The following CSMD2 variants were observed in gnomAD, a reference collection of about 807,000 sequenced individuals.
CSMD2 encodes the protein CUB and sushi domain-containing protein 2.
In CSMD2, 130 loss-of-function variants were observed where a neutral mutation model predicts 398.5. That is an observed-to-expected ratio of 0.33 (90% CI 0.28 to 0.38). The LOEUF (loss-of-function observed/expected upper bound fraction) is 0.38. Ranked by LOEUF, CSMD2 falls within the 10% of genes least tolerant of loss-of-function variation. The pLI, the probability that CSMD2 is intolerant of heterozygous loss-of-function variation, is 1.00. For synonymous variants in CSMD2, 1,828 were observed against 1,908.5 expected, an observed-to-expected ratio of 0.96 and a Z score of 1.10; for missense variants, 3,829 against 4,764.9, an observed-to-expected ratio of 0.80 and a Z score of 5.78.
chr1:33,912,131 G>A (rs896165409), intron 5 of CSMD2, among the ~76,000 whole-genome samples: 2 of 152,196 alleles, frequency 1.3e-5, no homozygotes, highest in African/African-American at 2.4e-5. Flanking sequence ...TGAATGTTTG[G>A]TGGAGTTTAT....
At chr1:33,698,643 T>G in intron 24 of CSMD2, 110 bp downstream of exon 24, 1 of 995,782 alleles carries the variant, frequency 1.0e-6, no homozygotes, top group South Asian at 1.8e-5. Flanking sequence ...TCAGTCCAAG[T>G]TGATGGCCCC....
chr1:33,570,623 C>T (rs781114811), intron 51 of CSMD2, among the ~76,000 whole-genome samples: 3 of 152,118 alleles, frequency 2.0e-5, no homozygotes, highest in East Asian at 3.9e-4. Flanking sequence ...GTGCATGCTG[C>T]GATGAGCTAC....
chr1:33,997,803 C>A (rs867521340), intron 3 of CSMD2, among the ~76,000 whole-genome samples: 2 of 152,126 alleles, frequency 1.3e-5, no homozygotes, highest in African/African-American at 4.8e-5. Flanking sequence ...GATCTGTCTG[C>A]ATATTTACTG....
chr1:33,815,698 G>A (rs1657381435), intron 9 of CSMD2, among the ~76,000 whole-genome samples: 1 of 152,166 alleles, frequency 6.6e-6, no homozygotes, highest in Non-Finnish European at 1.5e-5. Context: ...TATGGTTATT[G>A]CCACTTTACT....
At chr1:33,663,821 A>G (rs1644222508) in intron 25 of CSMD2, among the ~76,000 whole-genome samples, 2 of 151,572 alleles carry the variant, frequency 1.3e-5, no homozygotes, top group African/African-American at 4.9e-5. Context: ...CTCTCTGTTA[A>G]TTAATTTTTT....
At chr1:33,615,047 A>C (rs1641295804) in intron 39 of CSMD2, among the ~76,000 whole-genome samples, 1 of 152,230 alleles carries the variant, frequency 6.6e-6, no homozygotes, top group African/African-American at 2.4e-5. Flanking sequence ...ACTGGCATGC[A>C]TCAAGTCCCC....
intron 3 of CSMD2, among the ~76,000 whole-genome samples, chr1:33,956,264 CA>C (rs1645166030): frequency 6.6e-6 from 1 of 151,690 alleles, no homozygotes; most frequent in African/African-American, 2.4e-5. Context: ...TATCCATCCA[CA>C]AAACTGTTTT....
chr1:33,557,651 C>T (rs60901295), intron 55 of CSMD2, 83 bp downstream of exon 55: 32 of 1,169,436 alleles, frequency 2.7e-5, no homozygotes, highest in Admixed American at 4.2e-5. Flanking sequence ...CACACACACA[C>T]ACACACACAT....
intron 5 of CSMD2, among the ~76,000 whole-genome samples, chr1:33,867,967 A>C (rs1640159256): frequency 6.6e-6 from 1 of 152,210 alleles, no homozygotes; most frequent in African/African-American, 2.4e-5. Context: ...AAGAGTTTGC[A>C]GTTCCCCTGC....
chr1:33,538,659 G>A (rs990971539), intron 60 of CSMD2, among the ~76,000 whole-genome samples: 7 of 152,192 alleles, frequency 4.6e-5, no homozygotes, highest in Non-Finnish European at 1.0e-4. Context: ...GGAGGCAACT[G>A]AAAGAACCAG....
chr1:33,646,352 A>G (rs1643425277), intron 29 of CSMD2, among the ~76,000 whole-genome samples: 3 of 152,218 alleles, frequency 2.0e-5, no homozygotes, highest in Admixed American at 6.5e-5. Flanking sequence ...TGAGGTTGAA[A>G]TAGAGTTAGG....
Position 33,552,757 on chromosome 1 carries a change from T to C in CSMD2, c.8744-2407A>G, listed in dbSNP as rs112710876. The stretch of plus-strand genomic sequence containing the variant: ...AATCCACAGAGACAGAAAAGTACAT[T>C]AGAGGTTGCCAGAAGCTGGGGTGGG... On this transcript the variant is annotated intron_variant, in intron 55 of 70. Coordinates refer to ENST00000373381, the MANE Select transcript of CSMD2 (RefSeq NM_001281956.2). Among the ~76,000 whole-genome samples, 91 of 152,054 alleles carry C rather than the reference T, an allele frequency of 6.0e-4. 1 individual carries two copies. The highest frequency in any genetic ancestry group is 2.0e-3 in the African/African-American group (85 of 41,484).
At chr1:33,578,894 G>T (rs542381457) in intron 48 of CSMD2, among the ~76,000 whole-genome samples, 1 of 152,270 alleles carries the variant, frequency 6.6e-6, no homozygotes, top group East Asian at 1.9e-4. Context: ...AGCCGAATTT[G>T]TTTCCCTACT....
At chr1:33,894,572 G>A (rs1339730172) in intron 5 of CSMD2, among the ~76,000 whole-genome samples, 1 of 152,064 alleles carries the variant, frequency 6.6e-6, no homozygotes, top group Non-Finnish European at 1.5e-5. Flanking sequence ...TGTCCCTGTG[G>A]GATTATGGCC....
At chr1:33,568,844 G>A (rs1038395511) in intron 52 of CSMD2, among the ~76,000 whole-genome samples, 7 of 152,056 alleles carry the variant, frequency 4.6e-5, no homozygotes, top group African/African-American at 1.7e-4. Context: ...TAGACTCCAG[G>A]GGTCCAAGAA....
intron 42 of CSMD2, among the ~76,000 whole-genome samples, chr1:33,604,535 C>T (rs891387545): frequency 1.3e-5 from 2 of 152,106 alleles, no homozygotes; most frequent in Admixed American, 6.6e-5. Flanking sequence ...GAGTTGGAGC[C>T]TGGGGTGATC....
At position 33,572,620 on chromosome 1, in the gene CSMD2, T is replaced by C. The variant is rs1659699500; in HGVS notation, c.7648A>G (p.Lys2550Glu). The C allele has an allele frequency of 6.2e-7, 1 of 1,614,042 alleles. No homozygotes were observed. Among genetic ancestry groups the C allele is most frequent in the Non-Finnish European group, 8.5e-7 (1 of 1,179,954 alleles). ...CCTTCACTGCAGCTGTACATGGCCT[T>C]GGTTCCCACTGTGTACTCCTTGCCA... ...VFGKEYTVGT[K>E]AMYSCSEGYH... The change falls in exon 50 of 71, where the codon AAG (lysine) becomes GAG (glutamate). Residue 2550 changes from lysine to glutamate, a missense_variant. By Grantham distance (56) the Lys-to-Glu change is moderately conservative (BLOSUM62 1). This residue lies in a region of CSMD2 where 723 missense variants were observed against 758.6 expected (regional missense o/e 0.95). Coordinates refer to ENST00000373381, the MANE Select transcript of CSMD2 (RefSeq NM_001281956.2).
At chr1:34,105,289 C>T (rs1660422401) in intron 1 of CSMD2, among the ~76,000 whole-genome samples, 1 of 152,188 alleles carries the variant, frequency 6.6e-6, no homozygotes, top group African/African-American at 2.4e-5. Context: ...TTAGCAGCGT[C>T]CCTGACCTCT....
intron 67 of CSMD2, 82 bp downstream of exon 67, chr1:33,523,225 A>G: frequency 1.4e-6 from 1 of 716,758 alleles, no homozygotes; most frequent in South Asian, 1.9e-5. Flanking sequence ...GATTGATCCT[A>G]GGGGTTTGCA....
Sources: allele counts gnomAD v4.1 joint callset (sites outside exome capture counted in the v4.1 genomes callset), GRCh38; gene constraint gnomAD v4.1.1; regional missense constraint gnomAD v4.1.1; transcripts MANE v1.5; gene names NCBI Gene and HGNC (gene_info 2026-07-23, HGNC 2026-07-21).